RPS6KC1: variants seen among roughly 807,000 people sequenced by gnomAD.
RPS6KC1 encodes inactive ribosomal protein S6 kinase delta-1.
A neutral mutation model predicts 103.8 loss-of-function variants in RPS6KC1; 54 were observed. The observed-to-expected ratio is 0.52, with a 90% CI of 0.42 to 0.65. RPS6KC1 has a LOEUF of 0.65. RPS6KC1 is among the 30% of genes least tolerant of loss of function. The probability of loss-of-function intolerance (pLI) is 0.00; values close to 1 mark genes in which losing one functional copy is unlikely to be tolerated. For synonymous variants in RPS6KC1, 439 were observed against 438.7 expected (o/e 1.00, Z -0.01); for missense variants, 1,151 against 1,253.8 (o/e 0.92, Z 1.24).
chr1:213,663,445 C>T, the RPS6KC1 span, among the ~76,000 whole-genome samples: 1 of 152,156 alleles, frequency 6.6e-6, no homozygotes, highest in Non-Finnish European at 1.5e-5. Context: ...TCCTGGGCTA[C>T]CTCTTCCTCT....
At chr1:213,832,849 T>G in the RPS6KC1 span, among the ~76,000 whole-genome samples, 3 of 152,204 alleles carry the variant, frequency 2.0e-5, no homozygotes, top group African/African-American at 7.2e-5. Flanking sequence ...ATGCCTAAAG[T>G]CTTGGCCTGC....
At chr1:213,527,166 T>G in the RPS6KC1 span, among the ~76,000 whole-genome samples, 2 of 152,222 alleles carry the variant, frequency 1.3e-5, no homozygotes, top group African/African-American at 4.8e-5. Context: ...AGGTCCAGAA[T>G]CACATCTCTT....
chr1:213,520,773 G>A, the RPS6KC1 span, among the ~76,000 whole-genome samples: 1 of 152,054 alleles, frequency 6.6e-6, no homozygotes, highest in Admixed American at 6.5e-5. Flanking sequence ...GATTCATTTA[G>A]GTTTACTGGT....
the RPS6KC1 span, among the ~76,000 whole-genome samples, chr1:213,423,077 T>A: frequency 4.6e-5 from 7 of 152,236 alleles, no homozygotes; most frequent in African/African-American, 1.7e-4. Flanking sequence ...GCCTACTTCA[T>A]GTGTATCTTC....
chr1:213,688,477 C>A, the RPS6KC1 span, among the ~76,000 whole-genome samples: 3 of 152,314 alleles, frequency 2.0e-5, no homozygotes, highest in East Asian at 5.8e-4. Flanking sequence ...ATGGCCGGAT[C>A]AATTTGCTTT....
intron 8 of RPS6KC1, among the ~76,000 whole-genome samples, chr1:213,213,371 T>C (rs2093568172): frequency 6.6e-6 from 1 of 152,214 alleles, no homozygotes. Flanking sequence ...AGTATATTTA[T>C]GTGGGTCTCC....
chr1:213,752,931 A>G, the RPS6KC1 span, among the ~76,000 whole-genome samples: 1 of 152,190 alleles, frequency 6.6e-6, no homozygotes, highest in East Asian at 1.9e-4. Context: ...TGGATCCTTC[A>G]ACCCTTCTTT....
chr1:213,698,167 G>A, the RPS6KC1 span, among the ~76,000 whole-genome samples: 4 of 152,110 alleles, frequency 2.6e-5, no homozygotes, highest in African/African-American at 9.7e-5. Context: ...TAACTCCATC[G>A]TACATTGAGG....
At chr1:213,137,507 A>G (rs1262963071) in intron 6 of RPS6KC1, among the ~76,000 whole-genome samples, 1 of 150,754 alleles carries the variant, frequency 6.6e-6, no homozygotes, top group Non-Finnish European at 1.5e-5. Flanking sequence ...CTAATTTTGT[A>G]TTTTTAGGAG....
At chr1:213,363,778 CTTTCT>C in the RPS6KC1 span, among the ~76,000 whole-genome samples, 33 of 85,212 alleles carry the variant, frequency 3.9e-4, 9 homozygotes, top group African/African-American at 2.1e-3. Flanking sequence ...TTCTTTCTTT[CTTTCT>C]TTCTTTCTTT....
chr1:213,520,693 G>A, the RPS6KC1 span, among the ~76,000 whole-genome samples: 1 of 152,112 alleles, frequency 6.6e-6, no homozygotes, highest in Non-Finnish European at 1.5e-5. Flanking sequence ...AGGCAAGAAA[G>A]AGGACAGGTA....
In RPS6KC1 at chr1:213,232,239, G is replaced by A. The variant is rs772539262; in HGVS notation, c.1209G>A (p.Val403=). The A allele has an allele frequency of 3.1e-6, 5 of 1,613,960 alleles. No homozygotes were observed. Among genetic ancestry groups the A allele is most frequent in the Admixed American group, 3.3e-5 (2 of 60,016 alleles). The change falls in exon 10 of 15, where the codon GTG becomes GTA. Residue 403 remains valine, a synonymous_variant. Transcript: ENST00000366960. ...TCTCTGAGGAGTCAGTATTTCTTGT[G>A]CTGCAGCATGCGGAAGGTTGGTTTG... The part of the protein sequence containing the change: ...YIISEESVFL[V]LQHAEGGKLW...
chr1:213,472,166 T>C, the RPS6KC1 span, among the ~76,000 whole-genome samples: 1 of 152,204 alleles, frequency 6.6e-6, no homozygotes, highest in Non-Finnish European at 1.5e-5. Flanking sequence ...TTAGTTGATT[T>C]TTTTCTAGGA....
chr1:213,399,610 C>G, the RPS6KC1 span, among the ~76,000 whole-genome samples: 1 of 152,086 alleles, frequency 6.6e-6, no homozygotes, highest in Non-Finnish European at 1.5e-5. Flanking sequence ...ATCCAGACCT[C>G]GAACTGACAG....
chr1:213,358,070 A>C, the RPS6KC1 span, among the ~76,000 whole-genome samples: 1 of 152,238 alleles, frequency 6.6e-6, no homozygotes, highest in Admixed American at 6.5e-5. Context: ...ATCGATGTTC[A>C]TCAGGGATAT....
At chr1:213,525,377 G>A in the RPS6KC1 span, among the ~76,000 whole-genome samples, 1 of 152,210 alleles carries the variant, frequency 6.6e-6, no homozygotes, top group Non-Finnish European at 1.5e-5. Flanking sequence ...CTAAAGTAAA[G>A]CAGGGTTAGG....
chr1:213,657,628 C>A, the RPS6KC1 span, among the ~76,000 whole-genome samples: 1 of 152,170 alleles, frequency 6.6e-6, no homozygotes. Flanking sequence ...TTAGAGAATT[C>A]AATTCCAGGC....
chr1:213,176,848 A>T (rs2091907680), intron 8 of RPS6KC1: 1 of 159,640 alleles, frequency 6.3e-6, no homozygotes, highest in African/African-American at 2.4e-5. Flanking sequence ...AATGGTCAAA[A>T]AAGTGGAATC....
chr1:213,645,745 C>T, the RPS6KC1 span, among the ~76,000 whole-genome samples: 8 of 152,138 alleles, frequency 5.3e-5, no homozygotes, highest in South Asian at 2.1e-4. Context: ...CCCTGCAAAT[C>T]GGAAATTGGG....
Sources: allele counts gnomAD v4.1 joint callset (sites outside exome capture counted in the v4.1 genomes callset), GRCh38; gene constraint gnomAD v4.1.1; transcripts MANE v1.5; gene names NCBI Gene and HGNC (gene_info 2026-07-23, HGNC 2026-07-21).